The following ZZEF1 variants were observed in gnomAD, a reference collection of about 807,000 sequenced individuals.
ZZEF1 encodes the protein zinc finger ZZ-type and EF-hand domain containing 1, also known as zinc finger ZZ-type and EF-hand domain-containing protein 1.
A neutral mutation model predicts 342.8 loss-of-function variants in ZZEF1; 157 were observed. That is an observed-to-expected ratio of 0.46 (90% CI 0.40 to 0.52). ZZEF1 has a LOEUF of 0.52. Among genes scored for constraint, ZZEF1 ranks in the 20% least tolerant of loss-of-function variants. The pLI, the probability that ZZEF1 is intolerant of heterozygous loss-of-function variation, is 0.00. For synonymous variants in ZZEF1, 1,505 were observed against 1,429.1 expected (o/e 1.05, Z -1.20); for missense variants, 3,480 against 3,725.6 (o/e 0.93, Z 1.72).
chr17:4,116,996 C>A lies in ZZEF1; in HGVS notation c.670G>T (p.Asp224Tyr), dbSNP rs200756957. 1.2e-6 allele frequency: 2 copies of A among 1,611,316 alleles called. No homozygotes were observed. The highest frequency in any genetic ancestry group is 1.7e-5 in the Admixed American group (1 of 59,762). The change falls in exon 3 of 55, where the codon GAT becomes TAT. Residue 224 changes from aspartate to tyrosine, a missense_variant. Around this residue, in one of 5 missense-constraint regions of ZZEF1, gnomAD observed 416 missense variants for 374.2 expected, o/e 1.11. Transcript: ENST00000381638. Reference sequence around the variant, plus strand: ...CCCTTTTCCTTTTGTACCAGCTGATCCAGAGACTCCTTCAGGACGGAAGAC... The same window carrying A: ...CCCTTTTCCTTTTGTACCAGCTGATACAGAGACTCCTTCAGGACGGAAGAC... ...MRSSVLKESL[D>Y]QLVQKEKESP...
rs1258167886 is a variant in ZZEF1, at chr17:4,022,844, AGAATGATGTGTGACT to A, written c.7093-31_7093-17del. 1 of 1,613,206 alleles carries A rather than the reference AGAATGATGTGTGACT, an allele frequency of 6.2e-7. No homozygotes were observed. Among genetic ancestry groups the A allele is most frequent in the African/African-American group, 1.3e-5 (1 of 74,970 alleles). On this transcript the variant is annotated splice_polypyrimidine_tract_variant and intron_variant, in intron 43 of 54. Transcript: ENST00000381638. ...AACCGTGAGCCTGCCAAGCAGAAGA[AGAATGATGTGTGACT>A]GCCTTGGAGTGAAGAAGGTACAACC...
intron 1 of ZZEF1, among the ~76,000 whole-genome samples, chr17:4,138,171 T>G (rs901368534): frequency 2.0e-5 from 3 of 152,180 alleles, no homozygotes; most frequent in Non-Finnish European, 2.9e-5. Context: ...AGCTGAGGGC[T>G]CCCGGCTGAA....
intron 1 of ZZEF1, among the ~76,000 whole-genome samples, chr17:4,132,956 A>G (rs1461088110): frequency 6.7e-6 from 1 of 149,474 alleles, no homozygotes; most frequent in Non-Finnish European, 1.5e-5. Flanking sequence ...ACAGAGCGAG[A>G]CTCCATCTCA....
At chr17:4,115,905 G>T (rs2058386500) in intron 3 of ZZEF1, among the ~76,000 whole-genome samples, 1 of 152,020 alleles carries the variant, frequency 6.6e-6, no homozygotes, top group South Asian at 2.1e-4. Flanking sequence ...TTCATGCCTT[G>T]CTTAGAAAGG....
At position 4,014,393 on chromosome 17, in the gene ZZEF1, G is replaced by A; in HGVS notation, c.8268C>T (p.His2756=). 4 of 1,614,252 alleles carry A rather than the reference G, an allele frequency of 2.5e-6. No individual in the cohort carries two copies. In the Middle Eastern group the frequency reaches 4.9e-4, roughly 200 times the overall value. Reference sequence around the variant, plus strand: ...ACTTCTGCTGAGACCCGCTGAAGCTGTGTCGGTCTTGCTGGAAGTCACTGC... The same window carrying A: ...ACTTCTGCTGAGACCCGCTGAAGCTATGTCGGTCTTGCTGGAAGTCACTGC... ...SSSSDFQQDR[H]SFSGSQQKWK... The change falls in exon 50 of 55, where the codon CAC becomes CAT. Residue 2756 remains histidine, a synonymous_variant. Transcript: ENST00000381638. The surrounding 1 kb of genome is among the most constrained non-coding windows in gnomAD (Gnocchi z 4.4).
At position 4,008,740 on chromosome 17, in the gene ZZEF1, G is replaced by T; in HGVS notation, c.8805+143C>A. 7.0e-7 allele frequency: 1 copy of T among 1,427,140 alleles called. No individual in the cohort carries two copies. Among genetic ancestry groups the T allele is most frequent in the South Asian group, 1.5e-5 (1 of 66,480 alleles). 88.4% of individuals were successfully genotyped at this position (1,427,140 alleles called of 1,614,324 possible). A position where few individuals can be genotyped will look rare whatever the true frequency, so the allele number is the denominator to read the frequency against. On this transcript the variant is annotated intron_variant, in intron 54 of 54. Coordinates refer to ENST00000381638, the MANE Select transcript of ZZEF1 (RefSeq NM_015113.4). The surrounding 1 kb of genome is among the most constrained non-coding windows in gnomAD (Gnocchi z 4.2). Reference sequence around the variant, plus strand: ...TGCTCTCTGAGCACCAGGAGGAAGTGACTGAACTGGAACAAGCTCTGTGTA... The same window carrying T: ...TGCTCTCTGAGCACCAGGAGGAAGTTACTGAACTGGAACAAGCTCTGTGTA...
rs16953711 is a variant in ZZEF1, at chr17:4,105,399, G to C, written c.1394+294C>G. Reference sequence around the variant, plus strand: ...GTGAAGGTCAGCAGGTTCTGAGTGAGGGAAGGCTATGCCAGTTGGACTTTG... The same window carrying C: ...GTGAAGGTCAGCAGGTTCTGAGTGACGGAAGGCTATGCCAGTTGGACTTTG... On this transcript the variant is annotated intron_variant, in intron 7 of 54. Coordinates refer to ENST00000381638, the MANE Select transcript of ZZEF1 (RefSeq NM_015113.4). 8.4e-3 allele frequency among the ~76,000 whole-genome samples: 1,285 copies of C among 152,248 alleles called. 17 individuals are homozygous for C. The highest frequency in any genetic ancestry group is 0.03 in the African/African-American group (1,227 of 41,534).
At chr17:4,116,175 C>A (rs145638563) in intron 3 of ZZEF1, among the ~76,000 whole-genome samples, 1 of 152,052 alleles carries the variant, frequency 6.6e-6, no homozygotes, top group Non-Finnish European at 1.5e-5. Context: ...AGAAATTAGC[C>A]GGGCGTGGTG....
chr17:4,142,696 G>T lies in ZZEF1; in HGVS notation c.200C>A (p.Pro67His). 6.2e-7 allele frequency: 1 copy of T among 1,604,140 alleles called. No individual in the cohort carries two copies. Among genetic ancestry groups the T allele is most frequent in the African/African-American group, 1.3e-5 (1 of 74,946 alleles). ...CCTCGACACCAGCGACTCGCAGGGG[G>T]GTGTGGGCAGCAACGCTGCAGCAGC... is the stretch of plus-strand genomic sequence containing the variant. ...REAAAALLPT[P>H]PCESLVSRHR... is the part of the protein sequence containing the mutation. The change falls in exon 1 of 55, where the codon CCC (proline) becomes CAC (histidine). Residue 67 changes from proline (P) to histidine (H), a missense_variant. Transcript: ENST00000381638.
intron 26 of ZZEF1, among the ~76,000 whole-genome samples, chr17:4,070,279 G>C (rs2057483040): frequency 6.6e-6 from 1 of 152,212 alleles, no homozygotes; most frequent in Non-Finnish European, 1.5e-5. Flanking sequence ...TAGAATGTTA[G>C]AGCGAATCAC....
chr17:4,005,008 G>A lies in ZZEF1; in HGVS notation c.*1882C>T, dbSNP rs1245605038. 6.6e-6 allele frequency: 1 copy of A among 152,366 alleles called. No homozygotes were observed. Among genetic ancestry groups the A allele is most frequent in the Non-Finnish European group, 1.5e-5 (1 of 68,116 alleles). 9.4% of individuals were successfully genotyped at this position (152,366 alleles called of 1,614,324 possible). On this transcript the variant is annotated 3_prime_UTR_variant, in exon 55 of 55. Coordinates refer to ENST00000381638, the MANE Select transcript of ZZEF1 (RefSeq NM_015113.4). ...GAGTACAGCGGCGGCCACTGCCATA[G>A]GGGAGGTGACTCCGGCCCTACCGCC...
intron 30 of ZZEF1, among the ~76,000 whole-genome samples, chr17:4,062,032 T>TG (rs2057296458): frequency 6.6e-6 from 1 of 152,206 alleles, no homozygotes; most frequent in Non-Finnish European, 1.5e-5. Context: ...ATAAGGGTCC[T>TG]GCCTTTCTCA....
At position 4,039,642 on chromosome 17, in the gene ZZEF1, T is replaced by G. The variant is rs1331170904; in HGVS notation, c.6306+2787A>C. 3.8e-5 allele frequency among the ~76,000 whole-genome samples: 3 copies of G among 77,944 alleles called. No homozygotes were observed. In the East Asian group the frequency reaches 7.7e-4, roughly 20 times the overall value. 51.1% of individuals were successfully genotyped at this position (77,944 alleles called of 152,430 possible). A position where few individuals can be genotyped will look rare whatever the true frequency, so the allele number is the denominator to read the frequency against. On this transcript the variant is annotated intron_variant, in intron 39 of 54. Transcript: ENST00000381638. ...CTGGGAAGGCACATAGAAAGAGAACTTTTTTTTTTTTTTTTTTTTGAGACA... is the reference window on the plus strand; with the variant it reads ...CTGGGAAGGCACATAGAAAGAGAACGTTTTTTTTTTTTTTTTTTTGAGACA...
At position 4,078,049 on chromosome 17, in the gene ZZEF1, G is replaced by A. The variant is rs755162400; in HGVS notation, c.2830-7C>T. ...TGAGCATTAACAGCTCGCACTACAAGGGAGGAGACAAACAGAAAGTGTTCG... is the reference window on the plus strand; with the variant it reads ...TGAGCATTAACAGCTCGCACTACAAAGGAGGAGACAAACAGAAAGTGTTCG... On this transcript the variant is annotated splice_polypyrimidine_tract_variant and splice_region_variant and intron_variant, in intron 18 of 54. Coordinates refer to ENST00000381638, the MANE Select transcript of ZZEF1 (RefSeq NM_015113.4). 6.2e-6 allele frequency: 10 copies of A among 1,610,490 alleles called. No individual in the cohort carries two copies. Among genetic ancestry groups the A allele is most frequent in the Non-Finnish European group, 8.5e-6 (10 of 1,177,836 alleles).
chr17:4,105,954 CCTT>C (rs1317580399), intron 6 of ZZEF1, 145 bp from the exon 7 acceptor site: 1 of 631,124 alleles, frequency 1.6e-6, no homozygotes, highest in East Asian at 3.2e-5. Context: ...ATAAACTGGC[CCTT>C]CTTTTTTTTT....
intron 34 of ZZEF1, among the ~76,000 whole-genome samples, chr17:4,053,769 G>A (rs2057099069): frequency 6.6e-6 from 1 of 152,234 alleles, no homozygotes; most frequent in South Asian, 2.1e-4. Flanking sequence ...TGATTCAGAA[G>A]CAAACACTAT....
intron 44 of ZZEF1, among the ~76,000 whole-genome samples, chr17:4,021,934 T>G (rs1597770851): frequency 1.4e-5 from 2 of 145,752 alleles, no homozygotes; most frequent in Non-Finnish European, 3.0e-5. Context: ...GTTTGGAGGG[T>G]TTTTTTTTTT....
intron 1 of ZZEF1, among the ~76,000 whole-genome samples, chr17:4,135,315 A>C (rs1221625150): frequency 6.6e-6 from 1 of 152,136 alleles, no homozygotes; most frequent in Non-Finnish European, 1.5e-5. Context: ...ATCTCTACTA[A>C]AAACAAAAAA....
rs903072789 is a variant in ZZEF1 at position 4,094,596 on chromosome 17, A to C, written c.1913+1235T>G. ...ACCTCAAAGGTTTCTCAGAACTTCA[A>C]ATTCAACAGAACAAAATCTGAGCTC... On this transcript the variant is annotated intron_variant, in intron 11 of 54. Coordinates refer to ENST00000381638, the MANE Select transcript of ZZEF1 (RefSeq NM_015113.4). Among the ~76,000 whole-genome samples the C allele has an allele frequency of 3.6e-4, 55 of 152,274 alleles. 1 individual carries two copies. Among genetic ancestry groups the C allele is most frequent in the Non-Finnish European group, 2.4e-4 (16 of 68,024 alleles).
Sources: gnomAD v4.1 joint callset for allele counts (sites outside exome capture counted in the v4.1 genomes callset) on GRCh38, gnomAD v4.1.1 for gene constraint, gnomAD v4.1.1 regional missense constraint, Gnocchi (gnomAD v3.1) non-coding constraint, MANE v1.5 for transcripts, NCBI Gene and HGNC (gene_info 2026-07-23, HGNC 2026-07-21) for gene names.